The following ARHGAP29 variants were observed in gnomAD, a reference collection of about 807,000 sequenced individuals.
ARHGAP29 encodes the protein rho GTPase-activating protein 29.
ARHGAP29 carries 43 observed loss-of-function variants against 122.6 expected under a neutral mutation model. The observed-to-expected ratio is 0.35, with a 90% CI of 0.27 to 0.45. The LOEUF (loss-of-function observed/expected upper bound fraction) is 0.45. Among genes scored for constraint, ARHGAP29 ranks in the 20% least tolerant of loss-of-function variants. The pLI is 1.00. For synonymous variants in ARHGAP29, 506 were observed against 497.1 expected (o/e 1.02, Z -0.24); for missense variants, 1,303 against 1,477.2 (o/e 0.88, Z 1.93).
In ARHGAP29 at chr1:94,177,694, G is replaced by C. The variant is rs1399390425; in HGVS notation, c.2823C>G (p.Ser941Arg). The C allele has an allele frequency of 1.2e-6, 2 of 1,612,598 alleles. No homozygotes were observed. The highest frequency in any genetic ancestry group is 1.7e-6 in the Non-Finnish European group (2 of 1,179,728). Residue 941 changes from serine to arginine, a missense_variant, in exon 22 of 23, where the codon AGC becomes AGG. Around this residue, in one of 3 missense-constraint regions of ARHGAP29, gnomAD observed 620 missense variants for 651.2 expected, o/e 0.95. Coordinates refer to ENST00000260526, the MANE Select transcript of ARHGAP29 (RefSeq NM_004815.4). ...KEDIHTSESE[S>R]KIFERATSFE... ...ATGATGTAGCTCGTTCAAAAATTTTGCTTTCACTCTCTGAAGTATGGATAT... is the reference window on the plus strand; with the variant it reads ...ATGATGTAGCTCGTTCAAAAATTTTCCTTTCACTCTCTGAAGTATGGATAT...
At chr1:94,227,492 A>G (rs1652676286) in intron 2 of ARHGAP29, among the ~76,000 whole-genome samples, 1 of 151,842 alleles carries the variant, frequency 6.6e-6, no homozygotes, top group South Asian at 2.1e-4. Flanking sequence ...TAAAAAAGCT[A>G]TAAGAAATTA....
intron 1 of ARHGAP29, among the ~76,000 whole-genome samples, chr1:94,255,502 A>C: frequency 6.6e-6 from 1 of 152,232 alleles, no homozygotes; most frequent in South Asian, 2.1e-4. Context: ...TTCTAGTTGG[A>C]TCCAGGACCA....
chr1:94,230,823 A>G (rs1006209195), intron 2 of ARHGAP29, among the ~76,000 whole-genome samples: 2 of 151,890 alleles, frequency 1.3e-5, no homozygotes, highest in African/African-American at 4.8e-5. Flanking sequence ...AACAAGTCAG[A>G]GATATACAAT....
At chr1:94,265,174 A>T (rs1654713891) in intron 1 of ARHGAP29, among the ~76,000 whole-genome samples, 1 of 152,124 alleles carries the variant, frequency 6.6e-6, no homozygotes, top group African/African-American at 2.4e-5. Context: ...CATTTTGTTG[A>T]AGCTCCATCT....
chr1:94,289,569 C>T, the ARHGAP29 span, among the ~76,000 whole-genome samples: 3 of 152,296 alleles, frequency 2.0e-5, no homozygotes, highest in Non-Finnish European at 2.9e-5. Flanking sequence ...TGTCTGCTGT[C>T]GGTTTTCAAA....
upstream of ARHGAP29, among the ~76,000 whole-genome samples, chr1:94,277,721 T>C (rs1655238188): frequency 6.6e-6 from 1 of 152,130 alleles, no homozygotes; most frequent in African/African-American, 2.4e-5. Context: ...AATTCCCTCC[T>C]CCTTCTCCAT....
At chr1:94,310,749 C>A in the ARHGAP29 span, among the ~76,000 whole-genome samples, 1 of 152,028 alleles carries the variant, frequency 6.6e-6, no homozygotes, top group African/African-American at 2.4e-5. Flanking sequence ...ATTTCTCACT[C>A]TCTCACCTAT....
rs1421320405 is a variant in ARHGAP29, at chr1:94,184,218, T to C, written c.2180A>G (p.His727Arg). The C allele has an allele frequency of 1.9e-6, 3 of 1,612,438 alleles. No homozygotes were observed. In the Admixed American group the frequency reaches 5.0e-5, roughly 27 times the overall value. The change falls in exon 19 of 23, where the codon CAC (histidine) becomes CGC (arginine). Residue 727 changes from histidine to arginine, a missense_variant. His to Arg is a conservative substitution (Grantham distance 29). Transcript: ENST00000260526. Reference protein sequence around the residue: ...KLCQALENGMHLVDISEFSSH... With the variant: ...KLCQALENGMRLVDISEFSSH... ...ACTAAATTCTGAAATATCTACCAAG[T>C]GCATTCCATTTTCCAAAGCTTGACA...
At chr1:94,256,952 G>A (rs187543917) in intron 1 of ARHGAP29, among the ~76,000 whole-genome samples, 67 of 152,096 alleles carry the variant, frequency 4.4e-4, no homozygotes, top group Middle Eastern at 3.4e-3. Context: ...GCTCCTATAG[G>A]TATATACTTT....
chr1:94,215,104 G>GAAAAAAAAAAAAAAAAGAA (rs199693229), intron 3 of ARHGAP29, among the ~76,000 whole-genome samples: 6 of 83,644 alleles, frequency 7.2e-5, no homozygotes, highest in African/African-American at 1.9e-4. Flanking sequence ...GCATGAAAAG[G>GAAAAAAAAAAAAAAAAGAA]AAAAAAAAAA....
chr1:94,312,720 C>A, the ARHGAP29 span, among the ~76,000 whole-genome samples: 1 of 152,190 alleles, frequency 6.6e-6, no homozygotes, highest in Admixed American at 6.5e-5. Context: ...GTGTGAGCCA[C>A]CACACCCTGG....
intron 1 of ARHGAP29, among the ~76,000 whole-genome samples, chr1:94,253,659 C>T (rs577777979): frequency 6.6e-6 from 1 of 151,988 alleles, no homozygotes; most frequent in African/African-American, 2.4e-5. Flanking sequence ...CACGCACGCA[C>T]GCACGCACGC....
At chr1:94,219,130 G>A (rs1450056554) in intron 3 of ARHGAP29, among the ~76,000 whole-genome samples, 1 of 152,094 alleles carries the variant, frequency 6.6e-6, no homozygotes, top group African/African-American at 2.4e-5. Flanking sequence ...ATTGATCACA[G>A]GATTGCTGTT....
the ARHGAP29 span, chr1:94,302,066 G>A: frequency 1.1e-5 from 3 of 273,034 alleles, no homozygotes; most frequent in Non-Finnish European, 2.1e-5. Context: ...AGAGTAAATG[G>A]ATTTGGCCAT....
rs368831568 is a variant in ARHGAP29, at chr1:94,169,609, TGAC to T, written c.*4257_*4259del. The stretch of plus-strand genomic sequence containing the variant: ...GTATATAAATAGATATAGAAGTAGG[TGAC>T]TATTCTTGAATGTGTGTAGACACAC... On this transcript the variant is annotated 3_prime_UTR_variant, in exon 23 of 23. Coordinates refer to ENST00000260526, the MANE Select transcript of ARHGAP29 (RefSeq NM_004815.4). Among the ~76,000 whole-genome samples the T allele has an allele frequency of 9.6e-3, 1,464 of 152,266 alleles. 19 individuals carry two copies. Among genetic ancestry groups the T allele is most frequent in the African/African-American group, 0.034 (1,392 of 41,528 alleles).
chr1:94,230,942 T>A (rs915848981), intron 2 of ARHGAP29, among the ~76,000 whole-genome samples: 1 of 151,654 alleles, frequency 6.6e-6, no homozygotes, highest in African/African-American at 2.4e-5. Flanking sequence ...AAAACAGAAT[T>A]AAGTCTGATT....
At chr1:94,236,873 T>C (rs895974933) in intron 1 of ARHGAP29, among the ~76,000 whole-genome samples, 1 of 151,844 alleles carries the variant, frequency 6.6e-6, no homozygotes, top group East Asian at 1.9e-4. Flanking sequence ...TCAGGGCAGG[T>C]GGGAGCGGGA....
At chr1:94,299,747 G>A in the ARHGAP29 span, among the ~76,000 whole-genome samples, 1 of 152,102 alleles carries the variant, frequency 6.6e-6, no homozygotes, top group South Asian at 2.1e-4. Flanking sequence ...GGGGATAAGG[G>A]AGCCAGAGGG....
intron 2 of ARHGAP29, among the ~76,000 whole-genome samples, chr1:94,230,278 A>G (rs986757703): frequency 2.0e-5 from 3 of 151,784 alleles, no homozygotes; most frequent in African/African-American, 4.8e-5. Flanking sequence ...TCTTTCCACA[A>G]TAACTTTAGG....
Sources: allele counts gnomAD v4.1 joint callset (sites outside exome capture counted in the v4.1 genomes callset), GRCh38; gene constraint gnomAD v4.1.1; regional missense constraint gnomAD v4.1.1; transcripts MANE v1.5; gene names NCBI Gene and HGNC (gene_info 2026-07-23, HGNC 2026-07-21).